CSTF3: variants seen among roughly 807,000 people sequenced by gnomAD.
CSTF3 encodes CF-1 77 kDa subunit.
A neutral mutation model predicts 105.8 loss-of-function variants in CSTF3; 29 were observed. The ratio of observed to expected loss-of-function variants is 0.27; its 90% CI spans 0.20 to 0.37. The LOEUF (loss-of-function observed/expected upper bound fraction) is 0.37. Ranked by LOEUF, CSTF3 falls within the 10% of genes least tolerant of loss-of-function variation. The probability of loss-of-function intolerance (pLI) is 1.00; values close to 1 mark genes in which losing one functional copy is unlikely to be tolerated. For missense variants in CSTF3, 357 were observed against 879.3 expected, an observed-to-expected ratio of 0.41 and a Z score of 7.51; for synonymous variants, 252 against 281.9, an observed-to-expected ratio of 0.89 and a Z score of 1.06.
intron 3 of CSTF3, 35 bp from the exon 4 acceptor site, chr11:33,108,453 AT>A (rs749707269): frequency 1.9e-5 from 27 of 1,396,910 alleles, no homozygotes; most frequent in Middle Eastern, 1.9e-4. Context: ...AATTAATACT[AT>A]TTTTTTAGAG....
intron 13 of CSTF3, 48 bp downstream of exon 13, chr11:33,098,642 T>G (rs1855248717): frequency 9.4e-7 from 1 of 1,064,702 alleles, no homozygotes; most frequent in African/African-American, 1.6e-5. Flanking sequence ...TTATTTTTTG[T>G]TAGATAAGAC....
At chr11:33,104,113 C>T (rs1855305167) in intron 8 of CSTF3, among the ~76,000 whole-genome samples, 1 of 152,180 alleles carries the variant, frequency 6.6e-6, no homozygotes, top group Admixed American at 6.5e-5. Flanking sequence ...AGGCATTAGC[C>T]ATCACACCTG....
intron 1 of CSTF3, among the ~76,000 whole-genome samples, chr11:33,159,502 C>T (rs1849909278): frequency 7.2e-6 from 1 of 137,932 alleles, no homozygotes; most frequent in African/African-American, 2.8e-5. Flanking sequence ...GTGGCTGAGG[C>T]AGGAGAATCG....
chr11:33,159,227 G>C (rs1849905010), intron 1 of CSTF3, among the ~76,000 whole-genome samples: 1 of 152,120 alleles, frequency 6.6e-6, no homozygotes, highest in Non-Finnish European at 1.5e-5. Flanking sequence ...GGACACTGAG[G>C]TGGGTGAATC....
intron 3 of CSTF3, among the ~76,000 whole-genome samples, chr11:33,109,125 G>A (rs1484581032): frequency 6.6e-6 from 1 of 152,172 alleles, no homozygotes; most frequent in African/African-American, 2.4e-5. Context: ...CTGAAGAAAG[G>A]GAAGAGTTAT....
intron 1 of CSTF3, among the ~76,000 whole-genome samples, chr11:33,159,080 G>A (rs561267870): frequency 6.6e-6 from 1 of 152,132 alleles, no homozygotes; most frequent in African/African-American, 2.4e-5. Context: ...TGGTATGGTG[G>A]TTATGTAACA....
At chr11:33,154,987 C>T (rs1428436991) in intron 1 of CSTF3, among the ~76,000 whole-genome samples, 1 of 151,862 alleles carries the variant, frequency 6.6e-6, no homozygotes, top group Non-Finnish European at 1.5e-5. Context: ...ATGTATCCTA[C>T]AATACAAAAC....
intron 5 of CSTF3, among the ~76,000 whole-genome samples, chr11:33,106,381 A>T (rs921774137): frequency 6.6e-6 from 1 of 152,118 alleles, no homozygotes; most frequent in Admixed American, 6.6e-5. Flanking sequence ...GCACCATTAC[A>T]CTTCAGCCTG....
At position 33,096,918 on chromosome 11, in the gene CSTF3, T is replaced by C. The variant is rs774193413; in HGVS notation, c.1189A>G (p.Ile397Val). ...GTATCTTCTCTTGCTTTTTTAAATA[T>C]CATTCTTCCAGATTTGATGCCTTCT... ...RAEGIKSGRM[I>V]FKKAREDTRT... The change falls in exon 14 of 21, where the codon ATA becomes GTA. Residue 397 changes from isoleucine (I) to valine (V), a missense_variant. By Grantham distance (29) the Ile-to-Val change is conservative (BLOSUM62 3). Coordinates refer to ENST00000323959, the MANE Select transcript of CSTF3 (RefSeq NM_001326.3). 1 of 1,613,108 alleles carries C rather than the reference T, an allele frequency of 6.2e-7. No homozygotes were observed. The highest frequency in any genetic ancestry group is 8.5e-7 in the Non-Finnish European group (1 of 1,179,196).
chr11:33,139,403 AG>A (rs1163370525), intron 3 of CSTF3, among the ~76,000 whole-genome samples: 4 of 152,012 alleles, frequency 2.6e-5, no homozygotes, highest in African/African-American at 9.7e-5. Flanking sequence ...TAAACACTTA[AG>A]TATTACTTTC....
At chr11:33,141,635 T>C in intron 3 of CSTF3, 32 bp downstream of exon 3, 1 of 1,590,490 alleles carries the variant, frequency 6.3e-7, no homozygotes, top group South Asian at 1.2e-5. Flanking sequence ...GCTGCAATAC[T>C]GATATAAGAA....
intron 7 of CSTF3, 30 bp from the exon 8 acceptor site, chr11:33,105,723 A>G: frequency 1.2e-6 from 2 of 1,610,408 alleles, no homozygotes; most frequent in African/African-American, 1.3e-5. Context: ...GCCATCAATT[A>G]TATTATAACC....
rs777628150 is a variant in CSTF3 at position 33,105,693 on chromosome 11, C to T, written c.459G>A (p.Val153=). The T allele has an allele frequency of 3.7e-6, 6 of 1,612,904 alleles. No individual in the cohort carries two copies. The East Asian group carries it at 1.1e-4, about 30-fold the overall frequency. The change falls in exon 8 of 21, where the codon GTG becomes GTA. Residue 153 remains valine (V), a splice_region_variant and synonymous_variant. Transcript: ENST00000323959. ...TTTCTGCATAAGATCCTACAGCTTCCCTGAGATTGGATAAGAAATGCCATC... is the reference window on the plus strand; with the variant it reads ...TTTCTGCATAAGATCCTACAGCTTCTCTGAGATTGGATAAGAAATGCCATC... ...WVDYINFLKG[V]EAVGSYAENQ...
At chr11:33,129,020 A>T (rs1303222315) in intron 3 of CSTF3, among the ~76,000 whole-genome samples, 3 of 152,208 alleles carry the variant, frequency 2.0e-5, no homozygotes, top group Non-Finnish European at 4.4e-5. Flanking sequence ...GATACTGGAA[A>T]AGTTAATAAA....
At chr11:33,103,012 A>G in intron 9 of CSTF3, 95 bp downstream of exon 9, 1 of 789,486 alleles carries the variant, frequency 1.3e-6, no homozygotes, top group Non-Finnish European at 2.0e-6. Flanking sequence ...ATTGCTAATG[A>G]CTGAAAATAT....
intron 3 of CSTF3, among the ~76,000 whole-genome samples, chr11:33,115,290 T>A (rs1348039725): frequency 6.6e-6 from 1 of 152,234 alleles, no homozygotes; most frequent in Non-Finnish European, 1.5e-5. Context: ...ATCCTAAATA[T>A]AAATTCATCT....
intron 3 of CSTF3, among the ~76,000 whole-genome samples, chr11:33,112,926 C>T (rs959455732): frequency 2.6e-5 from 4 of 151,944 alleles, no homozygotes; most frequent in Non-Finnish European, 4.4e-5. Context: ...CCATTATAAA[C>T]CACATTACAT....
At chr11:33,105,446 T>A in intron 8 of CSTF3, 121 bp downstream of exon 8, 5 of 956,522 alleles carry the variant, frequency 5.2e-6, no homozygotes, top group Non-Finnish European at 7.6e-6. Flanking sequence ...TATAGTGCTT[T>A]CATTACAATC....
intron 3 of CSTF3, among the ~76,000 whole-genome samples, chr11:33,114,244 T>C (rs1347421548): frequency 5.3e-5 from 8 of 152,208 alleles, no homozygotes; most frequent in East Asian, 1.9e-4. Flanking sequence ...TATATTTATA[T>C]TGAGATCTAA....
Sources: allele counts gnomAD v4.1 joint callset (sites outside exome capture counted in the v4.1 genomes callset), GRCh38; gene constraint gnomAD v4.1.1; transcripts MANE v1.5; gene names NCBI Gene and HGNC (gene_info 2026-07-23, HGNC 2026-07-21).